The following SNAP91 variants were observed in gnomAD, a reference collection of about 807,000 sequenced individuals.
The protein encoded by SNAP91 is clathrin coat assembly protein AP180.
In SNAP91, 27 loss-of-function variants were observed where a neutral mutation model predicts 100.3. The ratio of observed to expected loss-of-function variants is 0.27; its 90% CI spans 0.20 to 0.37. SNAP91 has a LOEUF of 0.37. SNAP91 is among the 10% of genes least tolerant of loss of function. The pLI is 1.00. For missense variants in SNAP91, 986 were observed against 1,123.7 expected (o/e 0.88, Z 1.75); for synonymous variants, 404 against 398.6 (o/e 1.01, Z -0.16).
At chr6:83,661,632 CTAAT>C in intron 4 of SNAP91, 28 bp from the exon 5 acceptor site, 2 of 1,314,312 alleles carry the variant, frequency 1.5e-6, no homozygotes, top group South Asian at 2.6e-5. Flanking sequence ...AGAAATAAAA[CTAAT>C]TAATAAAATA....
At chr6:83,611,435 C>T (rs1464096005) in intron 11 of SNAP91, 1 of 455,918 alleles carries the variant, frequency 2.2e-6, no homozygotes. Context: ...CAGAACAGCT[C>T]ACATTTTACT....
chr6:83,706,319 GA>G (rs935281978), intron 2 of SNAP91, among the ~76,000 whole-genome samples: 37 of 152,312 alleles, frequency 2.4e-4, no homozygotes, highest in African/African-American at 8.7e-4. Context: ...AAACTGATGG[GA>G]AAATGGCTAA....
At chr6:83,626,999 G>C (rs867951009) in intron 8 of SNAP91, among the ~76,000 whole-genome samples, 13 of 152,038 alleles carry the variant, frequency 8.6e-5, no homozygotes, top group African/African-American at 2.7e-4. Flanking sequence ...GTTTGTCATA[G>C]ACGGTTCTTA....
chr6:83,583,552 A>G (rs2022265), intron 22 of SNAP91, among the ~76,000 whole-genome samples: 84,386 of 151,920 alleles, frequency 0.56, 24,752 homozygotes, highest in African/African-American at 0.74. Flanking sequence ...CTGCATTGCT[A>G]CTGAACAAAA....
At chr6:83,563,504 G>C (rs1452705436) in intron 26 of SNAP91, among the ~76,000 whole-genome samples, 1 of 152,190 alleles carries the variant, frequency 6.6e-6, no homozygotes, top group Non-Finnish European at 1.5e-5. Flanking sequence ...CTAAGTCAGG[G>C]CAGTTAGCAG....
At chr6:83,601,549 G>T in intron 15 of SNAP91, 36 bp downstream of exon 15, 1 of 1,612,834 alleles carries the variant, frequency 6.2e-7, no homozygotes. Flanking sequence ...ACAGAAGTCT[G>T]TCAAAATGGA....
chr6:83,700,682 A>C (rs765269855), intron 2 of SNAP91, among the ~76,000 whole-genome samples: 4 of 152,018 alleles, frequency 2.6e-5, no homozygotes, highest in Non-Finnish European at 4.4e-5. Context: ...GTACAATGGC[A>C]TGATCATGGC....
chr6:83,635,446 CT>C (rs2097397649), intron 8 of SNAP91, among the ~76,000 whole-genome samples: 1 of 151,914 alleles, frequency 6.6e-6, no homozygotes, highest in Non-Finnish European at 1.5e-5. Context: ...CTTCTTTGTA[CT>C]TTTTCTTTTT....
intron 10 of SNAP91, among the ~76,000 whole-genome samples, chr6:83,615,723 C>T (rs67040414): frequency 0.09 from 13,624 of 152,020 alleles, 626 homozygotes; most frequent in East Asian, 0.13. Flanking sequence ...ATTTAAAACA[C>T]GCAATAATTT....
At chr6:83,649,554 T>C (rs1210642220) in intron 7 of SNAP91, among the ~76,000 whole-genome samples, 2 of 152,132 alleles carry the variant, frequency 1.3e-5, no homozygotes, top group African/African-American at 4.8e-5. Context: ...TTGAAGGTGA[T>C]AGGAGTTAGT....
rs1488126514 is a variant in SNAP91, at chr6:83,599,287, C to G, written c.1324+1984G>C. On this transcript the variant is annotated intron_variant, in intron 16 of 29. Coordinates refer to ENST00000369694, the MANE Select transcript of SNAP91 (RefSeq NM_001242792.2). ...GAAGTAAGATAGAGTTGATTGATTT[C>G]TTTGAGGTAATCAACTCCTTATAAG... is the stretch of plus-strand genomic sequence containing the variant. 2.6e-5 allele frequency among the ~76,000 whole-genome samples: 4 copies of G among 152,188 alleles called. No homozygotes were observed. The East Asian group carries it at 7.7e-4, about 29-fold the overall frequency.
chr6:83,619,303 A>G (rs909314808), intron 9 of SNAP91, among the ~76,000 whole-genome samples: 6 of 152,166 alleles, frequency 3.9e-5, no homozygotes, highest in African/African-American at 1.4e-4. Context: ...ATGTCTTTGG[A>G]GGAAAAAAAG....
At chr6:83,580,391 C>A (rs1487465658) in intron 24 of SNAP91, 59 bp downstream of exon 24, 331 of 1,498,778 alleles carry the variant, frequency 2.2e-4, no homozygotes, top group Non-Finnish European at 2.8e-4. Context: ...GAGAGAGAAA[C>A]AAAAAACAAT....
At chr6:83,643,063 G>C (rs1255945055) in intron 7 of SNAP91, among the ~76,000 whole-genome samples, 1 of 151,986 alleles carries the variant, frequency 6.6e-6, no homozygotes, top group East Asian at 1.9e-4. Flanking sequence ...AAATTTGTTT[G>C]AGTTCTTTGT....
At chr6:83,640,032 G>A (rs573353064) in intron 8 of SNAP91, among the ~76,000 whole-genome samples, 1 of 152,184 alleles carries the variant, frequency 6.6e-6, no homozygotes, top group Non-Finnish European at 1.5e-5. Context: ...ACGTGAATGT[G>A]CTTTAATGTA....
chr6:83,564,402 A>G (rs1793617369), intron 26 of SNAP91, among the ~76,000 whole-genome samples: 1 of 150,226 alleles, frequency 6.7e-6, no homozygotes, highest in Non-Finnish European at 1.5e-5. Flanking sequence ...CAGTGGCATG[A>G]TCATGGCTCA....
chr6:83,555,579 T>C (rs924268271), intron 29 of SNAP91, among the ~76,000 whole-genome samples: 5 of 152,216 alleles, frequency 3.3e-5, no homozygotes, highest in African/African-American at 1.2e-4. Flanking sequence ...AGTAAACATT[T>C]TTCCTTCATT....
intron 16 of SNAP91, 94 bp downstream of exon 16, chr6:83,601,177 T>A: frequency 9.5e-7 from 1 of 1,052,214 alleles, no homozygotes; most frequent in East Asian, 2.5e-5. Context: ...CACTCTGACA[T>A]GCTGTTACAT....
At chr6:83,615,858 T>C (rs1460138914) in intron 10 of SNAP91, among the ~76,000 whole-genome samples, 3 of 151,680 alleles carry the variant, frequency 2.0e-5, no homozygotes, top group South Asian at 2.1e-4. Flanking sequence ...AGTCAGAAAA[T>C]AGTTGCATTT....
Sources: gnomAD v4.1 joint callset for allele counts (sites outside exome capture counted in the v4.1 genomes callset) on GRCh38, gnomAD v4.1.1 for gene constraint, MANE v1.5 for transcripts, NCBI Gene and HGNC (gene_info 2026-07-23, HGNC 2026-07-21) for gene names.